Variants in NRXN1 observed in about 807,000 individuals in gnomAD.
NRXN1 encodes neurexin-1.
Under a neutral mutation model 150.9 loss-of-function variants are expected in NRXN1, and 39 were observed. The ratio of observed to expected loss-of-function variants is 0.26; its 90% CI spans 0.20 to 0.34. The LOEUF (loss-of-function observed/expected upper bound fraction) is 0.34, where lower values mean the gene tolerates loss of function less well. NRXN1 is among the 10% of genes least tolerant of loss of function. The pLI is 1.00. For missense variants in NRXN1, 1,815 were observed against 1,949.9 expected, an observed-to-expected ratio of 0.93 and a Z score of 1.30; for synonymous variants, 924 against 757.0, an observed-to-expected ratio of 1.22 and a Z score of -3.62.
chr2:50,950,585 A>G (rs1691157365), intron 2 of NRXN1, among the ~76,000 whole-genome samples: 1 of 152,182 alleles, frequency 6.6e-6, no homozygotes, highest in South Asian at 2.1e-4. Context: ...GGAAGGGACT[A>G]TTCTGTGCAT....
intron 21 of NRXN1, among the ~76,000 whole-genome samples, chr2:49,987,682 T>G (rs1249721057): frequency 6.6e-6 from 1 of 152,092 alleles, no homozygotes; most frequent in Non-Finnish European, 1.5e-5. Flanking sequence ...TGTCAAATTT[T>G]GAGCCCATTA....
rs955351568 is a variant in NRXN1, at chr2:50,436,281, G to A, written c.3364+29161C>T. Among the ~76,000 whole-genome samples, 6 of 151,874 alleles carry A rather than the reference G, an allele frequency of 4.0e-5. No homozygotes were observed. In the South Asian group the frequency reaches 6.2e-4, roughly 16 times the overall value. ...CCAGCCTGACCAACATGGAAAAACC[G>A]CGTCTCTACTAAAAATACAAAATTA... is the stretch of plus-strand genomic sequence containing the variant. On this transcript the variant is annotated intron_variant, in intron 17 of 22. Coordinates refer to ENST00000401669, the MANE Select transcript of NRXN1 (RefSeq NM_001330078.2).
At chr2:50,633,010 C>T (rs1437553936) in intron 5 of NRXN1, 1 of 152,126 alleles carries the variant, frequency 6.6e-6, no homozygotes, top group Non-Finnish European at 1.5e-5. Context: ...TGCCACTCTT[C>T]TGGATAAATG....
intron 18 of NRXN1, among the ~76,000 whole-genome samples, chr2:50,231,602 T>C (rs1184062131): frequency 1.3e-5 from 2 of 152,108 alleles, no homozygotes; most frequent in Non-Finnish European, 2.9e-5. Flanking sequence ...TCATCAAATT[T>C]GCAATGCTCT....
chr2:50,486,656 G>C (rs1036925133), intron 15 of NRXN1, among the ~76,000 whole-genome samples: 1 of 152,126 alleles, frequency 6.6e-6, no homozygotes, highest in African/African-American at 2.4e-5. Flanking sequence ...GGGTAGGGGA[G>C]TGTGAGTGGG....
intron 8 of NRXN1, among the ~76,000 whole-genome samples, chr2:50,568,554 T>C (rs1232261939): frequency 2.6e-5 from 4 of 152,174 alleles, no homozygotes; most frequent in African/African-American, 9.6e-5. Flanking sequence ...TCAACATCAC[T>C]GATCATCAGA....
chr2:50,214,030 T>A (rs764217747), intron 18 of NRXN1, among the ~76,000 whole-genome samples: 2 of 151,978 alleles, frequency 1.3e-5, no homozygotes, highest in African/African-American at 4.8e-5. Context: ...TAGTTGTTGT[T>A]TATTTTGTGC....
chr2:50,449,098 T>G, intron 17 of NRXN1, among the ~76,000 whole-genome samples: 1 of 152,198 alleles, frequency 6.6e-6, no homozygotes, highest in Non-Finnish European at 1.5e-5. Context: ...TTCAGACCTT[T>G]TATGGTCAAA....
At chr2:50,599,018 C>A (rs979061740) in intron 8 of NRXN1, among the ~76,000 whole-genome samples, 13 of 151,972 alleles carry the variant, frequency 8.6e-5, no homozygotes, top group Non-Finnish European at 1.6e-4. Context: ...GTGATCCACT[C>A]GCCTCAGCCT....
chr2:50,091,233 C>G, intron 19 of NRXN1, 90 bp downstream of exon 19: 2 of 1,477,210 alleles, frequency 1.4e-6, no homozygotes, highest in Middle Eastern at 2.3e-4. Flanking sequence ...CTCAGAAAAC[C>G]ACAATTTGGT....
chr2:50,253,794 T>A (rs2067405813), intron 17 of NRXN1, among the ~76,000 whole-genome samples: 1 of 152,206 alleles, frequency 6.6e-6, no homozygotes, highest in Admixed American at 6.5e-5. Flanking sequence ...CTTTTTGATG[T>A]GCTGCTGCCT....
At chr2:50,213,745 A>G (rs2152847055) in intron 18 of NRXN1, among the ~76,000 whole-genome samples, 1 of 151,926 alleles carries the variant, frequency 6.6e-6, no homozygotes, top group South Asian at 2.1e-4. Context: ...AATTCTAATC[A>G]CTTTTAATTT....
intron 5 of NRXN1, among the ~76,000 whole-genome samples, chr2:50,643,844 CT>C (rs1459970872): frequency 1.3e-5 from 2 of 151,662 alleles, no homozygotes; most frequent in Non-Finnish European, 2.9e-5. Context: ...TAAACTGTTA[CT>C]TTTCTCAAAA....
Position 49,919,023 on chromosome 2 carries a change from T to C in NRXN1, c.*2921A>G, listed in dbSNP as rs1472519514. 1.3e-5 allele frequency: 2 copies of C among 152,124 alleles called. No individual in the cohort carries two copies. The highest frequency in any genetic ancestry group is 2.9e-5 in the Non-Finnish European group (2 of 67,968). 9.4% of individuals were successfully genotyped at this position (152,124 alleles called of 1,614,324 possible). A position where few individuals can be genotyped will look rare whatever the true frequency, so the allele number is the denominator to read the frequency against. On this transcript the variant is annotated 3_prime_UTR_variant, in exon 23 of 23. Transcript: ENST00000401669. Reference sequence around the variant, plus strand: ...ACACAAAGCACTAGAAGGGTAGGGTTATGTGGCCTTTCTTTGATGTCTTAG... The same window carrying C: ...ACACAAAGCACTAGAAGGGTAGGGTCATGTGGCCTTTCTTTGATGTCTTAG...
At chr2:50,352,784 TA>T (rs1415253918) in intron 17 of NRXN1, among the ~76,000 whole-genome samples, 1 of 146,220 alleles carries the variant, frequency 6.8e-6, no homozygotes, top group African/African-American at 2.5e-5. Context: ...AATATTATAA[TA>T]ATAATAATAA....
At chr2:50,463,382 G>A (rs901018342) in intron 17 of NRXN1, among the ~76,000 whole-genome samples, 2 of 151,690 alleles carry the variant, frequency 1.3e-5, no homozygotes, top group African/African-American at 4.8e-5. Context: ...AAACTCCAAC[G>A]TATAAGCCAA....
intron 17 of NRXN1, among the ~76,000 whole-genome samples, chr2:50,296,747 T>A (rs553669559): frequency 6.6e-6 from 1 of 151,662 alleles, no homozygotes; most frequent in African/African-American, 2.4e-5. Flanking sequence ...GGATTACAGG[T>A]ATTAGCCACG....
At chr2:50,129,154 A>T in intron 18 of NRXN1, among the ~76,000 whole-genome samples, 1 of 152,252 alleles carries the variant, frequency 6.6e-6, no homozygotes, top group South Asian at 2.1e-4. Flanking sequence ...AAGAGAAATT[A>T]TCCTATCTGA....
intron 2 of NRXN1, among the ~76,000 whole-genome samples, chr2:50,929,475 T>C (rs1687408877): frequency 6.6e-6 from 1 of 152,056 alleles, no homozygotes; most frequent in African/African-American, 2.4e-5. Flanking sequence ...TTTACTTCTT[T>C]AATTTTTGGT....
Sources: allele counts gnomAD v4.1 joint callset (sites outside exome capture counted in the v4.1 genomes callset), GRCh38; gene constraint gnomAD v4.1.1; transcripts MANE v1.5; gene names NCBI Gene and HGNC (gene_info 2026-07-23, HGNC 2026-07-21).